The following PCCA variants were observed in gnomAD, a reference collection of about 807,000 sequenced individuals.
PCCA encodes the protein propionyl-CoA carboxylase alpha chain, mitochondrial.
PCCA carries 74 observed loss-of-function variants against 101.3 expected under a neutral mutation model. The ratio of observed to expected loss-of-function variants is 0.73; its 90% confidence interval spans 0.61 to 0.89. PCCA has a LOEUF of 0.89. Among genes scored for constraint, PCCA ranks in the 40% least tolerant of loss-of-function variants. The pLI, the probability that PCCA is intolerant of heterozygous loss-of-function variation, is 0.00. For missense variants in PCCA, 891 were observed against 907.0 expected (o/e 0.98, Z 0.23); for synonymous variants, 294 against 313.6 (o/e 0.94, Z 0.66).
In PCCA at chr13:100,262,840, A is replaced by G. The variant is rs372739944; in HGVS notation, c.819+9A>G. On this transcript the variant is annotated intron_variant, in intron 10 of 23. Transcript: ENST00000376285. ...GTCATATAGAAATCCAGGTTGGTAC[A>G]TTTAAGATGCTTTTTCATTATTATT... 3.4e-5 allele frequency: 34 copies of G among 1,012,214 alleles called. No individual in the cohort carries two copies. The highest frequency in any genetic ancestry group is 9.5e-5 in the East Asian group (4 of 42,084). The allele number at this position is 1,012,214 out of a possible 1,614,324, so 62.7% of individuals were successfully genotyped here. A position where few individuals can be genotyped will look rare whatever the true frequency, so the allele number is the denominator to read the frequency against.
intron 17 of PCCA, among the ~76,000 whole-genome samples, chr13:100,337,176 C>G (rs2070616468): frequency 6.6e-6 from 1 of 152,178 alleles, no homozygotes; most frequent in South Asian, 2.1e-4. Context: ...AAAGGAGCTG[C>G]CCTCATGGGA....
rs750740860 is a variant in PCCA, at chr13:100,215,039, C to T, written c.600+5576C>T. On this transcript the variant is annotated intron_variant, in intron 7 of 23. Transcript: ENST00000376285. The stretch of plus-strand genomic sequence containing the variant: ...GTCTATCCTTTGCATTGTATGTATC[C>T]GCCATACTTGACATCGTTCAGATTC... Among the ~76,000 whole-genome samples, 21 of 152,100 alleles carry T rather than the reference C, an allele frequency of 1.4e-4. 1 individual carries two copies. The highest frequency in any genetic ancestry group is 5.8e-4 in the East Asian group (3 of 5,202).
intron 12 of PCCA, among the ~76,000 whole-genome samples, chr13:100,286,461 A>G (rs950594725): frequency 1.3e-5 from 2 of 152,204 alleles, no homozygotes; most frequent in African/African-American, 4.8e-5. Context: ...AGGGCAGAGC[A>G]GGTAGCAGGT....
At position 100,348,910 on chromosome 13, in the gene PCCA, C is replaced by CTTTCTTTTCTTTTCT. The variant is rs201677268; in HGVS notation, c.1643+8664_1643+8678dup. Among the ~76,000 whole-genome samples, 147 of 51,534 alleles carry CTTTCTTTTCTTTTCT rather than the reference C, an allele frequency of 2.9e-3. 4 individuals are homozygous for CTTTCTTTTCTTTTCT. Among genetic ancestry groups the CTTTCTTTTCTTTTCT allele is most frequent in the Middle Eastern group, 0.03 (2 of 66 alleles). The allele number at this position is 51,534 out of a possible 152,430, so 33.8% of individuals were successfully genotyped here. ...CTTTCTTTCCTTCCTTCCTTCCTTC[C>CTTTCTTTTCTTTTCT]TTTCTTTTCTTTTCTTTTCTTTTCT... On this transcript the variant is annotated intron_variant, in intron 18 of 23. Transcript: ENST00000376285.
chr13:100,337,546 A>G (rs1320316409), intron 17 of PCCA, among the ~76,000 whole-genome samples: 1 of 152,230 alleles, frequency 6.6e-6, no homozygotes, highest in African/African-American at 2.4e-5. Context: ...CAGACTTCTT[A>G]TACAGAGCCT....
chr13:100,222,856 G>A (rs2059904665), intron 7 of PCCA, among the ~76,000 whole-genome samples: 1 of 151,976 alleles, frequency 6.6e-6, no homozygotes, highest in Non-Finnish European at 1.5e-5. Context: ...TTTCTTATTT[G>A]AATATGTAGG....
At chr13:100,376,005 G>A (rs2152821615) in intron 19 of PCCA, among the ~76,000 whole-genome samples, 1 of 152,310 alleles carries the variant, frequency 6.6e-6, no homozygotes. Context: ...TGATGTTGGT[G>A]ACCTTCGGAT....
intron 21 of PCCA, chr13:100,477,457 A>C (rs533515456): frequency 7.2e-5 from 11 of 152,316 alleles, no homozygotes; most frequent in African/African-American, 2.6e-4. Flanking sequence ...TGAAAGTTAT[A>C]CTATTTTCTG....
intron 6 of PCCA, among the ~76,000 whole-genome samples, chr13:100,184,351 A>T (rs1202238390): frequency 2.0e-5 from 3 of 152,190 alleles, no homozygotes; most frequent in Non-Finnish European, 4.4e-5. Flanking sequence ...TGAACAAATG[A>T]ATAAGAGATG....
chr13:100,230,997 C>T (rs2060437039), intron 7 of PCCA, among the ~76,000 whole-genome samples: 1 of 152,214 alleles, frequency 6.6e-6, no homozygotes, highest in South Asian at 2.1e-4. Context: ...TCGCCTCTCT[C>T]TTCAGGTCCC....
chr13:100,458,009 A>G (rs560636053), intron 21 of PCCA, among the ~76,000 whole-genome samples: 1 of 152,246 alleles, frequency 6.6e-6, no homozygotes, highest in East Asian at 1.9e-4. Context: ...ATCCTGATAC[A>G]TAGTCTGGGA....
intron 6 of PCCA, among the ~76,000 whole-genome samples, chr13:100,194,012 AG>A (rs1383353378): frequency 2.6e-5 from 4 of 151,986 alleles, no homozygotes; most frequent in Non-Finnish European, 2.9e-5. Flanking sequence ...CGGAGCATGC[AG>A]TGAGCCGAGA....
intron 4 of PCCA, 79 bp downstream of exon 4, chr13:100,112,140 T>G: frequency 1.0e-6 from 1 of 981,354 alleles, no homozygotes; most frequent in Non-Finnish European, 1.6e-6. Flanking sequence ...AGGCTTTTTT[T>G]CTTGGCCTGC....
intron 12 of PCCA, among the ~76,000 whole-genome samples, chr13:100,276,018 A>G (rs1466916123): frequency 1.3e-5 from 2 of 151,758 alleles, no homozygotes; most frequent in Admixed American, 6.6e-5. Context: ...ACTTGGGACA[A>G]TCTCTTTTTG....
At chr13:100,318,488 C>T (rs1335886229) in intron 16 of PCCA, among the ~76,000 whole-genome samples, 1 of 128,110 alleles carries the variant, frequency 7.8e-6, no homozygotes. Context: ...CCCCTCCCCC[C>T]ACCCCATGAC....
intron 21 of PCCA, among the ~76,000 whole-genome samples, chr13:100,458,068 T>G (rs1310783639): frequency 6.6e-6 from 1 of 152,144 alleles, no homozygotes; most frequent in Admixed American, 6.6e-5. Context: ...TGCTTATAGA[T>G]TTCAGATTTT....
In PCCA at chr13:100,188,491, C is replaced by T. The variant is rs1478356671; in HGVS notation, c.469-20841C>T. 2.0e-5 allele frequency among the ~76,000 whole-genome samples: 3 copies of T among 152,142 alleles called. No homozygotes were observed. In the East Asian group the frequency reaches 5.8e-4, roughly 29 times the overall value. On this transcript the variant is annotated intron_variant, in intron 6 of 23. Coordinates refer to ENST00000376285, the MANE Select transcript of PCCA (RefSeq NM_000282.4). ...TATTTGGGCTGGCTCCATATTTTTG[C>T]AATTGCAAATTGTGCTGCTATAAAC...
intron 4 of PCCA, chr13:100,150,772 G>C (rs1168199232): frequency 6.3e-7 from 1 of 1,588,248 alleles, no homozygotes; most frequent in African/African-American, 1.3e-5. Flanking sequence ...CCCCACAGTG[G>C]CGTCCAGCTT....
intron 12 of PCCA, among the ~76,000 whole-genome samples, chr13:100,277,533 C>A (rs1177375027): frequency 6.6e-6 from 1 of 152,108 alleles, no homozygotes; most frequent in Non-Finnish European, 1.5e-5. Flanking sequence ...AGCTGAGTGG[C>A]TTTAGAGGTA....
Sources: allele counts gnomAD v4.1 joint callset (sites outside exome capture counted in the v4.1 genomes callset), GRCh38; gene constraint gnomAD v4.1.1; transcripts MANE v1.5; gene names NCBI Gene and HGNC (gene_info 2026-07-23, HGNC 2026-07-21).